The following IGSF21 variants were observed in gnomAD, a reference collection of about 807,000 sequenced individuals.
The protein encoded by IGSF21 is immunoglobin superfamily member 21.
A neutral mutation model predicts 46.8 loss-of-function variants in IGSF21; 28 were observed. The ratio of observed to expected loss-of-function variants is 0.60; its 90% CI spans 0.44 to 0.82. The LOEUF (loss-of-function observed/expected upper bound fraction) is 0.82, where lower values mean the gene tolerates loss of function less well. Among genes scored for constraint, IGSF21 ranks in the 40% least tolerant of loss-of-function variants. IGSF21 has a pLI of 0.00. For synonymous variants in IGSF21, 284 were observed against 273.6 expected (o/e 1.04, Z -0.38); for missense variants, 624 against 665.5 (o/e 0.94, Z 0.69).
chr1:18,118,770 C>T, intron 1 of IGSF21, among the ~76,000 whole-genome samples: 1 of 152,108 alleles, frequency 6.6e-6, no homozygotes, highest in East Asian at 1.9e-4. Flanking sequence ...CAAGTTACCC[C>T]ATGGAGAGCA....
intron 2 of IGSF21, among the ~76,000 whole-genome samples, chr1:18,272,534 C>T (rs575451052): frequency 5.9e-5 from 9 of 152,356 alleles, no homozygotes; most frequent in African/African-American, 2.2e-4. Flanking sequence ...GAAATGGTCG[C>T]ACTTCCACTG....
intron 2 of IGSF21, among the ~76,000 whole-genome samples, chr1:18,273,419 C>CA (rs2085064942): frequency 3.6e-5 from 5 of 140,080 alleles, no homozygotes; most frequent in African/African-American, 1.4e-4. Flanking sequence ...CCTTTCTTTT[C>CA]CTTTCCTTTC....
intron 3 of IGSF21, among the ~76,000 whole-genome samples, chr1:18,309,876 C>T (rs1215531917): frequency 6.6e-6 from 1 of 152,158 alleles, no homozygotes; most frequent in East Asian, 1.9e-4. Flanking sequence ...TGGACTGAGT[C>T]TCCACACCAT....
chr1:18,311,448 T>C (rs79697075), intron 3 of IGSF21, among the ~76,000 whole-genome samples: 218 of 152,370 alleles, frequency 1.4e-3, no homozygotes, highest in African/African-American at 4.9e-3. Context: ...ACTGTCATTC[T>C]GTGACAGTGA....
At chr1:18,306,172 G>A (rs372661716) in intron 3 of IGSF21, among the ~76,000 whole-genome samples, 16 of 152,242 alleles carry the variant, frequency 1.1e-4, no homozygotes, top group African/African-American at 2.9e-4. Context: ...CTGTATGCTC[G>A]GCCCCATCCA....
intron 4 of IGSF21, among the ~76,000 whole-genome samples, chr1:18,351,909 A>G (rs566233399): frequency 6.6e-6 from 1 of 152,318 alleles, no homozygotes; most frequent in African/African-American, 2.4e-5. Context: ...GCGGCCACCC[A>G]CAGGCTGCGG....
chr1:18,289,021 T>C (rs2124563098), intron 2 of IGSF21, among the ~76,000 whole-genome samples: 1 of 152,290 alleles, frequency 6.6e-6, no homozygotes, highest in African/African-American at 2.4e-5. Flanking sequence ...AATTCTTCAG[T>C]GCTTTATCTG....
intron 2 of IGSF21, among the ~76,000 whole-genome samples, chr1:18,275,959 T>C (rs1203475030): frequency 6.6e-6 from 1 of 152,172 alleles, no homozygotes; most frequent in Non-Finnish European, 1.5e-5. Context: ...TGTTGCCTCA[T>C]GCCTTATTGG....
rs879128627 is a variant in IGSF21 at position 18,362,309 on chromosome 1, G to A, written c.540+79G>A. ...CGGGGCTGGTCCAGCTGCAGGTGTCGCCACTGTGCCTGGAAAGGGAGTGGT... is the reference window on the plus strand; with the variant it reads ...CGGGGCTGGTCCAGCTGCAGGTGTCACCACTGTGCCTGGAAAGGGAGTGGT... On this transcript the variant is annotated intron_variant, in intron 5 of 9. Coordinates refer to ENST00000251296, the MANE Select transcript of IGSF21 (RefSeq NM_032880.5). The A allele has an allele frequency of 1.6e-5, 16 of 1,001,238 alleles. 1 individual carries two copies. Among genetic ancestry groups the A allele is most frequent in the South Asian group, 1.1e-4 (8 of 69,806 alleles). The allele number at this position is 1,001,238 out of a possible 1,614,324, so 62.0% of individuals were successfully genotyped here.
At chr1:18,219,290 A>T (rs1173764281) in intron 1 of IGSF21, among the ~76,000 whole-genome samples, 1 of 152,216 alleles carries the variant, frequency 6.6e-6, no homozygotes, top group East Asian at 1.9e-4. Flanking sequence ...CCATGTGGGT[A>T]TCTAGGGAAA....
intron 3 of IGSF21, among the ~76,000 whole-genome samples, chr1:18,329,836 C>T (rs1019137904): frequency 1.3e-5 from 2 of 152,232 alleles, no homozygotes; most frequent in African/African-American, 4.8e-5. Flanking sequence ...GCTCCAGATT[C>T]AGCAGAAGCT....
At chr1:18,289,329 T>C (rs1228977359) in intron 2 of IGSF21, among the ~76,000 whole-genome samples, 1 of 152,148 alleles carries the variant, frequency 6.6e-6, no homozygotes, top group Non-Finnish European at 1.5e-5. Flanking sequence ...ACACCTCCAC[T>C]GAGATTCTGA....
At chr1:18,369,097 C>T (rs1029205730) in intron 6 of IGSF21, among the ~76,000 whole-genome samples, 9 of 152,136 alleles carry the variant, frequency 5.9e-5, no homozygotes, top group South Asian at 2.1e-4. Context: ...CAGGTCTGCA[C>T]ACACCGGGGG....
In IGSF21 at chr1:18,320,526, T is replaced by TTTC. The variant is rs1264432811; in HGVS notation, c.306-14366_306-14365insTTC. 2.0e-5 allele frequency among the ~76,000 whole-genome samples: 3 copies of TTTC among 152,168 alleles called. No homozygotes were observed. In the East Asian group the frequency reaches 5.8e-4, roughly 29 times the overall value. On this transcript the variant is annotated intron_variant, in intron 3 of 9. Coordinates refer to ENST00000251296, the MANE Select transcript of IGSF21 (RefSeq NM_032880.5). ...GGGAGTCAGGTTTGGCCCCGGGTCA[T>TTTC]CCATCAGCTGACCTGGTTGGGAAAG...
At position 18,295,844 on chromosome 1, in the gene IGSF21, C is replaced by T. The variant is rs188973521; in HGVS notation, c.305+3857C>T. ...TTGACCAATGACTGTTTATTGGGTG[C>T]ATACCCAGCCCCCTCGTCCCTCCAG... On this transcript the variant is annotated intron_variant, in intron 3 of 9. Transcript: ENST00000251296. Among the ~76,000 whole-genome samples, 6 of 152,338 alleles carry T rather than the reference C, an allele frequency of 3.9e-5. No homozygotes were observed. In the East Asian group the frequency reaches 1.2e-3, roughly 29 times the overall value.
intron 2 of IGSF21, among the ~76,000 whole-genome samples, chr1:18,269,044 C>A (rs1442281799): frequency 1.3e-5 from 2 of 152,206 alleles, no homozygotes; most frequent in Non-Finnish European, 2.9e-5. Context: ...CTCGTCCAAA[C>A]CTCTTAATCC....
intron 1 of IGSF21, among the ~76,000 whole-genome samples, chr1:18,161,658 C>A (rs761979802): frequency 6.6e-6 from 1 of 152,168 alleles, no homozygotes; most frequent in Admixed American, 6.5e-5. Context: ...GCGAGGAAAA[C>A]TATGAAACGG....
chr1:18,193,147 C>T (rs571759622), intron 1 of IGSF21, among the ~76,000 whole-genome samples: 20 of 152,146 alleles, frequency 1.3e-4, no homozygotes, highest in Middle Eastern at 3.4e-3. Flanking sequence ...TTGACACCGA[C>T]AGCTGAGTGA....
chr1:18,318,451 C>T (rs948690852), intron 3 of IGSF21, among the ~76,000 whole-genome samples: 1 of 136,704 alleles, frequency 7.3e-6, no homozygotes, highest in South Asian at 2.6e-4. Context: ...GGTGCATGCA[C>T]GTGTGCGTGC....
Sources: gnomAD v4.1 joint callset for allele counts (sites outside exome capture counted in the v4.1 genomes callset) on GRCh38, gnomAD v4.1.1 for gene constraint, MANE v1.5 for transcripts, NCBI Gene and HGNC (gene_info 2026-07-23, HGNC 2026-07-21) for gene names.